DLGAP2: variants seen among roughly 807,000 people sequenced by gnomAD.
The protein encoded by DLGAP2 is disks large-associated protein 2.
In DLGAP2, 26 loss-of-function variants were observed where a neutral mutation model predicts 100.3. The observed-to-expected ratio is 0.26, with a 90% CI of 0.19 to 0.36. DLGAP2 has a LOEUF of 0.36. Among genes scored for constraint, DLGAP2 ranks in the 10% least tolerant of loss-of-function variants. The probability of loss-of-function intolerance (pLI) is 1.00; values close to 1 mark genes in which losing one functional copy is unlikely to be tolerated. For missense variants in DLGAP2, 1,858 were observed against 1,453.2 expected, an observed-to-expected ratio of 1.28 and a Z score of -4.53; for synonymous variants, 886 against 630.1, an observed-to-expected ratio of 1.41 and a Z score of -6.08.
chr8:1,576,748 C>G lies in DLGAP2; in HGVS notation c.1442+10854C>G, dbSNP rs1050007630. ...TCCTTTCTCCATTTCTTGTTTTTGT[C>G]AGGTTTGTCAAAGATAAGATGGTTG... On this transcript the variant is annotated intron_variant, in intron 6 of 14. Transcript: ENST00000637795. 9.9e-5 allele frequency among the ~76,000 whole-genome samples: 15 copies of G among 152,112 alleles called. 1 individual carries two copies. Among genetic ancestry groups the G allele is most frequent in the Non-Finnish European group, 2.1e-4 (14 of 68,018 alleles).
intron 4 of DLGAP2, among the ~76,000 whole-genome samples, chr8:1,542,466 A>G (rs1801394714): frequency 6.6e-6 from 1 of 152,244 alleles, no homozygotes; most frequent in Non-Finnish European, 1.5e-5. Context: ...CCTGTTCTGC[A>G]CACTTCATAT....
intron 8 of DLGAP2, among the ~76,000 whole-genome samples, chr8:1,654,017 G>C (rs1322585850): frequency 6.6e-6 from 1 of 152,196 alleles, no homozygotes; most frequent in Non-Finnish European, 1.5e-5. Context: ...ACGGATCAAT[G>C]TCTGCGCACT....
At chr8:1,597,666 G>A (rs1189711742) in intron 6 of DLGAP2, among the ~76,000 whole-genome samples, 5 of 152,104 alleles carry the variant, frequency 3.3e-5, no homozygotes, top group African/African-American at 1.2e-4. Context: ...TTGGCTCTCT[G>A]TTTGTCTGTT....
chr8:891,229 G>A (rs931064266), intron 1 of DLGAP2: 12 of 152,480 alleles, frequency 7.9e-5, no homozygotes, highest in African/African-American at 2.4e-4. Context: ...CCCGTGTGGC[G>A]ACCAGGACCA....
intron 1 of DLGAP2, among the ~76,000 whole-genome samples, chr8:742,190 G>A (rs1356375535): frequency 6.6e-6 from 1 of 152,206 alleles, no homozygotes; most frequent in Non-Finnish European, 1.5e-5. Flanking sequence ...TGCAGGGAAA[G>A]GCTTATTCAT....
chr8:1,608,298 AGG>A (rs1796885645), intron 6 of DLGAP2, among the ~76,000 whole-genome samples: 7 of 109,992 alleles, frequency 6.4e-5, no homozygotes, highest in African/African-American at 2.1e-4. Flanking sequence ...CTCACACGGC[AGG>A]GTATTCCAAC....
chr8:1,494,858 A>C (rs1397769472), intron 3 of DLGAP2, among the ~76,000 whole-genome samples: 1 of 152,032 alleles, frequency 6.6e-6, no homozygotes, highest in Admixed American at 6.6e-5. Context: ...CGGAGATCTA[A>C]CTCTTCTGTG....
At chr8:916,921 AC>A (rs113088618) in intron 2 of DLGAP2, among the ~76,000 whole-genome samples, 183 of 152,266 alleles carry the variant, frequency 1.2e-3, no homozygotes, top group African/African-American at 4.0e-3. Context: ...GGGAGGGCAC[AC>A]CCAGGGCTCA....
chr8:1,444,072 C>T (rs527818300), intron 3 of DLGAP2, among the ~76,000 whole-genome samples: 10 of 152,076 alleles, frequency 6.6e-5, no homozygotes, highest in Admixed American at 6.5e-4. Context: ...AAACCATGCT[C>T]TCCCTACACC....
chr8:980,132 T>G (rs1277046866), intron 2 of DLGAP2, among the ~76,000 whole-genome samples: 1 of 151,938 alleles, frequency 6.6e-6, no homozygotes, highest in African/African-American at 2.4e-5. Flanking sequence ...GAGTCAGGAG[T>G]GACTGAAGAG....
intron 3 of DLGAP2, among the ~76,000 whole-genome samples, chr8:1,414,331 C>T (rs948835244): frequency 1.3e-5 from 2 of 152,178 alleles, no homozygotes. Context: ...GCCAACAAGT[C>T]TGAAGGCTGT....
At chr8:1,282,991 C>T (rs1257825867) in intron 3 of DLGAP2, among the ~76,000 whole-genome samples, 1 of 128,734 alleles carries the variant, frequency 7.8e-6, no homozygotes, top group Non-Finnish European at 1.6e-5. Context: ...CTGAATCCAG[C>T]CCCCTGAACC....
rs796875163 is a variant in DLGAP2 at position 1,351,622 on chromosome 8, G to A, written c.106+92739G>A. ...GTCCTGCGTGTGGCGTGGAAAGGCC[G>A]TGCGGGTCCTGAGTGTGCGTGGAAA... On this transcript the variant is annotated intron_variant, in intron 3 of 14. Transcript: ENST00000637795. Among the ~76,000 whole-genome samples the A allele has an allele frequency of 1.0e-3, 51 of 49,732 alleles. 1 individual carries two copies. Among genetic ancestry groups the A allele is most frequent in the Admixed American group, 2.1e-3 (7 of 3,340 alleles). The allele number at this position is 49,732 out of a possible 152,430, so 32.6% of individuals were successfully genotyped here.
At position 1,415,693 on chromosome 8, in the gene DLGAP2, C is replaced by G. The variant is rs374381182; in HGVS notation, c.107-85673C>G. On this transcript the variant is annotated intron_variant, in intron 3 of 14. Coordinates refer to ENST00000637795, the MANE Select transcript of DLGAP2 (RefSeq NM_001346810.2). ...TTTCGTGGTGTATAGGTAGCACTGT[C>G]TCTTTATCTCATCCACCTTTGATGG... Among the ~76,000 whole-genome samples, 27 of 152,338 alleles carry G rather than the reference C, an allele frequency of 1.8e-4. No individual in the cohort carries two copies. The South Asian group carries it at 5.6e-3, about 32-fold the overall frequency.
At chr8:1,350,155 T>C (rs1252783538) in intron 3 of DLGAP2, among the ~76,000 whole-genome samples, 1 of 152,078 alleles carries the variant, frequency 6.6e-6, no homozygotes, top group Non-Finnish European at 1.5e-5. Context: ...CATCCCCGAC[T>C]ACTTCATGCT....
At chr8:1,436,110 T>C (rs1021361846) in intron 3 of DLGAP2, among the ~76,000 whole-genome samples, 3 of 152,090 alleles carry the variant, frequency 2.0e-5, no homozygotes, top group Non-Finnish European at 4.4e-5. Context: ...AGGGAGTTTA[T>C]TGAGGAGAAT....
At chr8:980,775 G>T (rs754496240) in intron 2 of DLGAP2, among the ~76,000 whole-genome samples, 58 of 152,128 alleles carry the variant, frequency 3.8e-4, no homozygotes, top group Non-Finnish European at 8.1e-4. Context: ...ATGGGGGCTC[G>T]ACAGGTGGCA....
Position 1,295,240 on chromosome 8 carries a change from C to T in DLGAP2, c.106+36357C>T, listed in dbSNP as rs148283797. On this transcript the variant is annotated intron_variant, in intron 3 of 14. Coordinates refer to ENST00000637795, the MANE Select transcript of DLGAP2 (RefSeq NM_001346810.2). ...ACTGAAAGCAGGAACCTGAAAACCC[C>T]GAATCCTCCATGCCGTCTCTTTCTT... Among the ~76,000 whole-genome samples, 35 of 152,260 alleles carry T rather than the reference C, an allele frequency of 2.3e-4. 1 individual carries two copies. The East Asian group carries it at 4.8e-3, about 21-fold the overall frequency.
At chr8:1,171,088 T>G (rs1470707786) in intron 2 of DLGAP2, among the ~76,000 whole-genome samples, 1 of 152,178 alleles carries the variant, frequency 6.6e-6, no homozygotes, top group Non-Finnish European at 1.5e-5. Context: ...TGTGTCTTTG[T>G]TCTCGTTGGT....
Sources: allele counts gnomAD v4.1 joint callset (sites outside exome capture counted in the v4.1 genomes callset), GRCh38; gene constraint gnomAD v4.1.1; transcripts MANE v1.5; gene names NCBI Gene and HGNC (gene_info 2026-07-23, HGNC 2026-07-21).